RASSF3: variants seen among roughly 807,000 people sequenced by gnomAD.
RASSF3 encodes the protein ras association domain-containing protein 3.
In RASSF3, 19 loss-of-function variants were observed where a neutral mutation model predicts 19.9. The observed-to-expected ratio is 0.96, with a 90% confidence interval of 0.67 to 1.40. The LOEUF (loss-of-function observed/expected upper bound fraction) is 1.40. RASSF3 is among the 40% of genes most tolerant of loss of function. RASSF3 has a pLI of 0.00. For synonymous variants in RASSF3, 110 were observed against 104.2 expected (o/e 1.06, Z -0.34); for missense variants, 306 against 289.8 (o/e 1.06, Z -0.41).
At chr12:64,528,205 G>A (rs998962978) in intron 1 of RASSF3, among the ~76,000 whole-genome samples, 4 of 152,008 alleles carry the variant, frequency 2.6e-5, no homozygotes, top group Non-Finnish European at 4.4e-5. Context: ...CCCAGGAGGT[G>A]GAGACTGCAG....
At chr12:64,615,712 G>A (rs1447214096) in intron 1 of RASSF3, among the ~76,000 whole-genome samples, 1 of 148,526 alleles carries the variant, frequency 6.7e-6, no homozygotes, top group Non-Finnish European at 1.5e-5. Context: ...TTTCGCTTTT[G>A]TCACCCAGGC....
At chr12:64,527,310 C>T (rs1868609109) in intron 1 of RASSF3, among the ~76,000 whole-genome samples, 1 of 152,180 alleles carries the variant, frequency 6.6e-6, no homozygotes, top group Non-Finnish European at 1.5e-5. Context: ...GCAGCTTAAC[C>T]CTTCAGTACC....
chr12:64,571,176 A>G (rs957692601), intron 2 of RASSF3, among the ~76,000 whole-genome samples: 4 of 152,028 alleles, frequency 2.6e-5, no homozygotes, highest in Admixed American at 6.6e-5. Context: ...GCGCCATTAC[A>G]CTCCAACCTG....
intron 2 of RASSF3, among the ~76,000 whole-genome samples, chr12:64,595,429 C>T (rs1869985812): frequency 6.6e-6 from 1 of 152,166 alleles, no homozygotes; most frequent in Non-Finnish European, 1.5e-5. Context: ...TCATCTTCCC[C>T]AAACCTACTT....
At chr12:64,647,721 AT>A (rs1297377931) in intron 1 of RASSF3, among the ~76,000 whole-genome samples, 1 of 148,046 alleles carries the variant, frequency 6.8e-6, no homozygotes. Context: ...CCGGCCTTGT[AT>A]TTTTTTTTAT....
chr12:64,673,091 A>G (rs1337494980), intron 1 of RASSF3, among the ~76,000 whole-genome samples: 1 of 152,318 alleles, frequency 6.6e-6, no homozygotes, highest in East Asian at 1.9e-4. Flanking sequence ...CTGAGGTTCA[A>G]AAGTTCCATA....
At position 64,569,459 on chromosome 12, in the gene RASSF3, T is replaced by G. The variant is rs1439583753; in HGVS notation, c.294+27754T>G. On this transcript the variant is annotated intron_variant, in intron 2 of 5. Coordinates refer to the RASSF3 transcript ENST00000637125. ...CCTGTGGTGTTGGCCCCTTCCCACC[T>G]GGCTGCTAAAATCTCTCCCGAACGT... 4.6e-5 allele frequency among the ~76,000 whole-genome samples: 7 copies of G among 152,210 alleles called. No individual in the cohort carries two copies. In the East Asian group the frequency reaches 1.4e-3, roughly 29 times the overall value.
At chr12:64,656,512 C>T (rs1192113085) in intron 1 of RASSF3, among the ~76,000 whole-genome samples, 2 of 152,166 alleles carry the variant, frequency 1.3e-5, no homozygotes, top group Non-Finnish European at 2.9e-5. Flanking sequence ...AGTTGTGATT[C>T]TCTACCTTTT....
At chr12:64,570,508 T>C (rs1032215193) in intron 2 of RASSF3, among the ~76,000 whole-genome samples, 3 of 152,236 alleles carry the variant, frequency 2.0e-5, no homozygotes, top group African/African-American at 7.2e-5. Context: ...AGGAGAAGGC[T>C]GCCTCTGAAA....
intron 1 of RASSF3, among the ~76,000 whole-genome samples, chr12:64,614,353 C>G (rs1305491307): frequency 6.6e-6 from 1 of 151,772 alleles, no homozygotes; most frequent in Non-Finnish European, 1.5e-5. Context: ...GTCTTGAATT[C>G]CTGACCTCAG....
At chr12:64,511,482 A>AAAAAC (rs955257240) in intron 1 of RASSF3, among the ~76,000 whole-genome samples, 14 of 152,092 alleles carry the variant, frequency 9.2e-5, no homozygotes, top group Admixed American at 3.3e-4. Flanking sequence ...ACTCTGTCTC[A>AAAAAC]AAAACAAAAC....
At chr12:64,639,563 T>A (rs1217440165) in intron 1 of RASSF3, among the ~76,000 whole-genome samples, 1 of 152,158 alleles carries the variant, frequency 6.6e-6, no homozygotes, top group African/African-American at 2.4e-5. Context: ...TTACGAAGAA[T>A]GGCATAAATC....
At chr12:64,586,367 G>A (rs557854652) in intron 2 of RASSF3, among the ~76,000 whole-genome samples, 4 of 150,692 alleles carry the variant, frequency 2.7e-5, no homozygotes, top group East Asian at 2.0e-4. Context: ...GTATGCACCC[G>A]TAGTCCCACC....
At chr12:64,663,678 G>A (rs953645964) in intron 1 of RASSF3, among the ~76,000 whole-genome samples, 1 of 151,782 alleles carries the variant, frequency 6.6e-6, no homozygotes, top group African/African-American at 2.4e-5. Flanking sequence ...GCTAATTTTT[G>A]TATTTTTACT....
chr12:64,546,949 G>T (rs1472179004), intron 2 of RASSF3, among the ~76,000 whole-genome samples: 2 of 152,082 alleles, frequency 1.3e-5, no homozygotes, highest in African/African-American at 4.8e-5. Context: ...TTCTTATTTT[G>T]CTCCCACTTT....
chr12:64,520,549 TAC>T lies in RASSF3; in HGVS notation c.169+13226_169+13227del, dbSNP rs1157799363. ...GTGTATACACACACAGATACACACA[TAC>T]ACACATATATATATATATATATATA... is the stretch of plus-strand genomic sequence containing the variant. On this transcript the variant is annotated intron_variant, in intron 1 of 5. Coordinates refer to the RASSF3 transcript ENST00000637125. Among the ~76,000 whole-genome samples, 8 of 79,052 alleles carry T rather than the reference TAC, an allele frequency of 1.0e-4. 1 individual carries two copies. The highest frequency in any genetic ancestry group is 2.8e-4 in the Admixed American group (2 of 7,218). The allele number at this position is 79,052 out of a possible 152,430, so 51.9% of individuals were successfully genotyped here. A position where few individuals can be genotyped will look rare whatever the true frequency, so the allele number is the denominator to read the frequency against.
chr12:64,656,051 A>G (rs1872147903), intron 1 of RASSF3, among the ~76,000 whole-genome samples: 1 of 151,936 alleles, frequency 6.6e-6, no homozygotes, highest in African/African-American at 2.4e-5. Context: ...AAAAAATTAT[A>G]AATCCTTTTT....
chr12:64,578,557 A>G (rs1337395809), intron 2 of RASSF3, among the ~76,000 whole-genome samples: 1 of 152,080 alleles, frequency 6.6e-6, no homozygotes, highest in East Asian at 1.9e-4. Context: ...TCCTCTGGAC[A>G]CTGAGGTGGG....
chr12:64,679,217 C>T (rs1453280728), intron 1 of RASSF3, among the ~76,000 whole-genome samples: 2 of 152,168 alleles, frequency 1.3e-5, no homozygotes, highest in Non-Finnish European at 2.9e-5. Flanking sequence ...TGTGCCACCA[C>T]ACCCAGCTAA....
Sources: allele counts gnomAD v4.1 joint callset (sites outside exome capture counted in the v4.1 genomes callset), GRCh38; gene constraint gnomAD v4.1.1; transcripts MANE v1.5; gene names NCBI Gene and HGNC (gene_info 2026-07-23, HGNC 2026-07-21).